The following AGBL4 variants were observed in gnomAD, a reference collection of about 807,000 sequenced individuals.
AGBL4 encodes cytosolic carboxypeptidase 6.
A neutral mutation model predicts 66.4 loss-of-function variants in AGBL4; 58 were observed. The observed-to-expected ratio is 0.87, with a 90% CI of 0.71 to 1.09. The LOEUF (loss-of-function observed/expected upper bound fraction) is 1.09. Ranked by LOEUF, AGBL4 falls within the 50% of genes least tolerant of loss-of-function variation. AGBL4 has a pLI of 0.00. For synonymous variants in AGBL4, 234 were observed against 222.9 expected, an observed-to-expected ratio of 1.05 and a Z score of -0.44; for missense variants, 579 against 631.0, an observed-to-expected ratio of 0.92 and a Z score of 0.88.
chr1:49,260,908 A>G (rs922283385), intron 3 of AGBL4, among the ~76,000 whole-genome samples: 1 of 149,844 alleles, frequency 6.7e-6, no homozygotes, highest in Non-Finnish European at 1.5e-5. Flanking sequence ...AAAAATCCTC[A>G]ATAAAATACT....
At chr1:49,505,537 T>C (rs1648602391) in intron 3 of AGBL4, among the ~76,000 whole-genome samples, 1 of 152,036 alleles carries the variant, frequency 6.6e-6, no homozygotes, top group Non-Finnish European at 1.5e-5. Context: ...CTTCAGACCT[T>C]TGAATATATC....
At chr1:49,693,531 A>G (rs1171982504) in intron 3 of AGBL4, among the ~76,000 whole-genome samples, 7 of 152,152 alleles carry the variant, frequency 4.6e-5, no homozygotes, top group African/African-American at 1.2e-4. Context: ...GATAGAAAAT[A>G]AATAAGTTTA....
At position 48,666,689 on chromosome 1, in the gene AGBL4, G is replaced by A. The variant is rs941145078; in HGVS notation, c.635-3448C>T. Among the ~76,000 whole-genome samples, 4 of 152,206 alleles carry A rather than the reference G, an allele frequency of 2.6e-5. No individual in the cohort carries two copies. The South Asian group carries it at 8.3e-4, about 32-fold the overall frequency. ...CAAGGCCAAGAGAGTTAAGTGACTT[G>A]TCCTAGTTCTTACAGCTAATTTGGC... is the stretch of plus-strand genomic sequence containing the variant. On this transcript the variant is annotated intron_variant, in intron 6 of 13. Coordinates refer to ENST00000371839, the MANE Select transcript of AGBL4 (RefSeq NM_032785.4).
intron 4 of AGBL4, among the ~76,000 whole-genome samples, chr1:49,186,896 A>G (rs1647025313): frequency 6.6e-6 from 1 of 152,166 alleles, no homozygotes; most frequent in African/African-American, 2.4e-5. Context: ...TAGTCAAGAG[A>G]CAAATTGCTA....
intron 9 of AGBL4, among the ~76,000 whole-genome samples, chr1:48,611,557 G>T (rs1032309307): frequency 4.6e-5 from 7 of 152,158 alleles, no homozygotes; most frequent in Non-Finnish European, 8.8e-5. Flanking sequence ...AATAGTACCC[G>T]GCTAGCTGTT....
At chr1:48,548,960 G>A (rs1412871268) in intron 11 of AGBL4, among the ~76,000 whole-genome samples, 1 of 152,146 alleles carries the variant, frequency 6.6e-6, no homozygotes, top group African/African-American at 2.4e-5. Flanking sequence ...TAGGAGCTAG[G>A]ATACAACAAA....
chr1:49,239,739 A>G (rs1231713965), intron 4 of AGBL4, among the ~76,000 whole-genome samples: 1 of 152,138 alleles, frequency 6.6e-6, no homozygotes, highest in South Asian at 2.1e-4. Context: ...CCTGTTATGT[A>G]CCAGGCATAG....
chr1:49,709,217 C>T (rs751448033), intron 2 of AGBL4, among the ~76,000 whole-genome samples: 2 of 152,194 alleles, frequency 1.3e-5, no homozygotes, highest in African/African-American at 4.8e-5. Flanking sequence ...TATAAGCCCC[C>T]GACTGGGGCT....
Position 49,784,681 on chromosome 1 carries a change from A to G in AGBL4, c.157+66715T>C, listed in dbSNP as rs369777243. Among the ~76,000 whole-genome samples the G allele has an allele frequency of 3.3e-4, 50 of 152,232 alleles. 1 individual carries two copies. The South Asian group carries it at 9.5e-3, about 29-fold the overall frequency. On this transcript the variant is annotated intron_variant, in intron 2 of 13. Coordinates refer to ENST00000371839, the MANE Select transcript of AGBL4 (RefSeq NM_032785.4). ...TCATCCAAATTCTGTGCAACAAGTG[A>G]TACTATGAAGAAAATGAAAACACAA... is the stretch of plus-strand genomic sequence containing the variant.
chr1:49,210,587 T>A (rs1265166872), intron 4 of AGBL4, among the ~76,000 whole-genome samples: 1 of 152,118 alleles, frequency 6.6e-6, no homozygotes, highest in African/African-American at 2.4e-5. Flanking sequence ...TAGATAAAGA[T>A]GTTTTAGAAA....
chr1:49,877,756 C>G (rs1279240213), intron 1 of AGBL4, among the ~76,000 whole-genome samples: 1 of 151,030 alleles, frequency 6.6e-6, no homozygotes, highest in Non-Finnish European at 1.5e-5. Flanking sequence ...CCTTGTACCT[C>G]TGGTAGAATT....
intron 4 of AGBL4, among the ~76,000 whole-genome samples, chr1:49,086,898 A>AATGCAAG (rs1443180767): frequency 6.6e-6 from 1 of 152,028 alleles, no homozygotes; most frequent in Non-Finnish European, 1.5e-5. Flanking sequence ...CAAACAAAGA[A>AATGCAAG]ATGCAAGCAT....
chr1:49,406,665 A>C (rs1570640993), intron 3 of AGBL4, among the ~76,000 whole-genome samples: 1 of 152,314 alleles, frequency 6.6e-6, no homozygotes, highest in South Asian at 2.1e-4. Context: ...GACTGGAATA[A>C]AGATGTCAAA....
chr1:48,564,258 G>A (rs543534079), intron 11 of AGBL4, among the ~76,000 whole-genome samples: 12 of 152,162 alleles, frequency 7.9e-5, no homozygotes, highest in Admixed American at 2.0e-4. Context: ...CTAAGATGCA[G>A]AGCTGACTGT....
Position 49,445,055 on chromosome 1 carries a change from A to G in AGBL4, c.283-199191T>C, listed in dbSNP as rs1646122863. Among the ~76,000 whole-genome samples, 6 of 151,854 alleles carry G rather than the reference A, an allele frequency of 4.0e-5. No individual in the cohort carries two copies. In the South Asian group the frequency reaches 1.2e-3, roughly 32 times the overall value. Reference sequence around the variant, plus strand: ...TTTTTCTATGGCTGGCCTTGTGGTAACAAATTCTTTCATCATTTGCTTGTC... The same window carrying G: ...TTTTTCTATGGCTGGCCTTGTGGTAGCAAATTCTTTCATCATTTGCTTGTC... On this transcript the variant is annotated intron_variant, in intron 3 of 13. Coordinates refer to ENST00000371839, the MANE Select transcript of AGBL4 (RefSeq NM_032785.4).
At chr1:49,273,883 C>A (rs1032918158) in intron 3 of AGBL4, among the ~76,000 whole-genome samples, 1 of 151,888 alleles carries the variant, frequency 6.6e-6, no homozygotes, top group Non-Finnish European at 1.5e-5. Flanking sequence ...GGGGTTTCAC[C>A]GTGTTAGCCA....
intron 3 of AGBL4, among the ~76,000 whole-genome samples, chr1:49,285,346 T>C (rs1258087594): frequency 1.3e-5 from 2 of 151,886 alleles, no homozygotes; most frequent in South Asian, 2.1e-4. Flanking sequence ...CAACATACCA[T>C]TATCTGTGGG....
At chr1:49,878,490 T>C (rs1647099518) in intron 1 of AGBL4, among the ~76,000 whole-genome samples, 1 of 152,140 alleles carries the variant, frequency 6.6e-6, no homozygotes, top group Non-Finnish European at 1.5e-5. Context: ...TTCTTAATTC[T>C]GAGTTCTACT....
chr1:49,015,186 G>T (rs1191241836), intron 5 of AGBL4, among the ~76,000 whole-genome samples: 1 of 151,988 alleles, frequency 6.6e-6, no homozygotes, highest in African/African-American at 2.4e-5. Flanking sequence ...TTGTGTTGGG[G>T]TTTTTTTGGG....
Sources: gnomAD v4.1 joint callset for allele counts (sites outside exome capture counted in the v4.1 genomes callset) on GRCh38, gnomAD v4.1.1 for gene constraint, MANE v1.5 for transcripts, NCBI Gene and HGNC (gene_info 2026-07-23, HGNC 2026-07-21) for gene names.